BACH2: variants seen among roughly 807,000 people sequenced by gnomAD.
The protein encoded by BACH2 is transcription regulator protein BACH2.
Under a neutral mutation model 61.8 loss-of-function variants are expected in BACH2, and 5 were observed. That is an observed-to-expected ratio of 0.08 (90% confidence interval 0.04 to 0.17). The LOEUF is 0.17. Among genes scored for constraint, BACH2 ranks in the 10% least tolerant of loss-of-function variants. The pLI is 1.00. For synonymous variants in BACH2, 446 were observed against 440.1 expected, an observed-to-expected ratio of 1.01 and a Z score of -0.17; for missense variants, 824 against 1,091.1, an observed-to-expected ratio of 0.76 and a Z score of 3.45.
intron 5 of BACH2, among the ~76,000 whole-genome samples, chr6:90,048,526 C>CA (rs1445958217): frequency 6.6e-6 from 1 of 152,146 alleles, no homozygotes; most frequent in Non-Finnish European, 1.5e-5. Flanking sequence ...GCCATTGTGG[C>CA]AGTTCCTAGG....
chr6:89,982,320 C>T (rs971383748), intron 6 of BACH2, among the ~76,000 whole-genome samples: 1 of 151,622 alleles, frequency 6.6e-6, no homozygotes, highest in Non-Finnish European at 1.5e-5. Flanking sequence ...GTCTTGGGCA[C>T]GTGGGGGTGG....
At chr6:90,021,298 G>GAAAAAAAAAAAAAAA (rs1554229381) in intron 5 of BACH2, among the ~76,000 whole-genome samples, 2 of 81,630 alleles carry the variant, frequency 2.5e-5, no homozygotes, top group Non-Finnish European at 4.8e-5. Context: ...AAGCAAAAAA[G>GAAAAAAAAAAAAAAA]TAAAAAAAAA....
intron 3 of BACH2, among the ~76,000 whole-genome samples, chr6:90,208,799 A>C (rs1769238703): frequency 6.6e-6 from 1 of 152,252 alleles, no homozygotes; most frequent in Admixed American, 6.5e-5. Flanking sequence ...TCTTAGAACC[A>C]ACCCAAATGC....
intron 4 of BACH2, among the ~76,000 whole-genome samples, chr6:90,121,677 G>C (rs1582388826): frequency 1.3e-5 from 2 of 151,942 alleles, no homozygotes; most frequent in African/African-American, 4.8e-5. Flanking sequence ...CGAGTAGCTG[G>C]GATCTTACAG....
Position 89,929,977 on chromosome 6 carries a change from T to C in BACH2, c.*2431A>G, listed in dbSNP as rs1198052588. ...TATCACGTGATTCACATTGAGTTTA[T>C]ATTCTCACTGTCACCAGTTTTCCAC... is the stretch of plus-strand genomic sequence containing the variant. On this transcript the variant is annotated 3_prime_UTR_variant, in exon 9 of 9. Coordinates refer to ENST00000257749, the MANE Select transcript of BACH2 (RefSeq NM_021813.4). The C allele has an allele frequency of 6.6e-6, 1 of 152,318 alleles. No homozygotes were observed. The highest frequency in any genetic ancestry group is 6.5e-5 in the Admixed American group (1 of 15,274). 9.4% of individuals were successfully genotyped at this position (152,318 alleles called of 1,614,324 possible).
At chr6:90,265,854 G>C (rs1771311431) in intron 2 of BACH2, among the ~76,000 whole-genome samples, 1 of 152,182 alleles carries the variant, frequency 6.6e-6, no homozygotes, top group South Asian at 2.1e-4. Context: ...GAGAACAGAA[G>C]AAATGAACAT....
intron 4 of BACH2, among the ~76,000 whole-genome samples, chr6:90,176,421 G>T (rs1191452798): frequency 6.6e-6 from 1 of 152,192 alleles, no homozygotes; most frequent in Non-Finnish European, 1.5e-5. Flanking sequence ...GGAAGGGGCA[G>T]CTCTGAGGCA....
At chr6:89,942,798 G>C (rs1166392018) in intron 7 of BACH2, among the ~76,000 whole-genome samples, 1 of 152,226 alleles carries the variant, frequency 6.6e-6, no homozygotes, top group Non-Finnish European at 1.5e-5. Context: ...CCAGAGGCCT[G>C]TGCCACAGTT....
intron 4 of BACH2, among the ~76,000 whole-genome samples, chr6:90,198,462 C>G (rs990117273): frequency 7.2e-5 from 11 of 152,226 alleles, no homozygotes; most frequent in Non-Finnish European, 1.5e-4. Context: ...AATTATATTA[C>G]AGTCATGTCA....
At chr6:90,246,971 T>TA (rs1215763188) in intron 3 of BACH2, among the ~76,000 whole-genome samples, 1 of 152,172 alleles carries the variant, frequency 6.6e-6, no homozygotes, top group Non-Finnish European at 1.5e-5. Flanking sequence ...AACATACTTG[T>TA]AAATTTACGA....
intron 5 of BACH2, among the ~76,000 whole-genome samples, chr6:90,063,612 G>A (rs1780798714): frequency 6.6e-6 from 1 of 152,168 alleles, no homozygotes; most frequent in African/African-American, 2.4e-5. Flanking sequence ...TAAGATTAAT[G>A]CCATAAGCTT....
chr6:90,027,206 C>A (rs538474306), intron 5 of BACH2, among the ~76,000 whole-genome samples: 2 of 152,136 alleles, frequency 1.3e-5, no homozygotes, highest in Non-Finnish European at 2.9e-5. Flanking sequence ...ACACGCAGGT[C>A]AAATGCCCTT....
chr6:89,968,468 T>G (rs1421256223), intron 6 of BACH2, among the ~76,000 whole-genome samples: 3 of 152,218 alleles, frequency 2.0e-5, no homozygotes, highest in African/African-American at 7.2e-5. Flanking sequence ...AAGAAGGCAA[T>G]AACATTACAT....
chr6:90,216,797 A>C (rs1420254161), intron 3 of BACH2, among the ~76,000 whole-genome samples: 2 of 152,178 alleles, frequency 1.3e-5, no homozygotes, highest in Non-Finnish European at 2.9e-5. Flanking sequence ...AATGCTGTAG[A>C]CATTTTTGGT....
At chr6:90,263,275 G>C (rs1771222401) in intron 2 of BACH2, among the ~76,000 whole-genome samples, 1 of 152,106 alleles carries the variant, frequency 6.6e-6, no homozygotes, top group African/African-American at 2.4e-5. Context: ...TGCTGTTAAA[G>C]GAAACACATA....
chr6:90,147,731 C>T (rs574751906), intron 4 of BACH2, among the ~76,000 whole-genome samples: 6 of 152,138 alleles, frequency 3.9e-5, no homozygotes, highest in African/African-American at 1.2e-4. Context: ...TCCTGAGCAC[C>T]GTAATTGAAA....
intron 6 of BACH2, among the ~76,000 whole-genome samples, chr6:89,956,598 C>CTGGGGAGCTCAGTGTTT (rs578200438): frequency 1.3e-5 from 2 of 152,062 alleles, no homozygotes; most frequent in African/African-American, 4.8e-5. Context: ...GTTTGCAAAG[C>CTGGGGAGCTCAGTGTTT]TGGGGAGCTC....
At chr6:89,954,307 TTTA>T (rs1174459130) in intron 6 of BACH2, among the ~76,000 whole-genome samples, 3 of 151,818 alleles carry the variant, frequency 2.0e-5, no homozygotes, top group East Asian at 1.9e-4. Context: ...TCTTTTTTTT[TTTA>T]TTATTATTAT....
In BACH2 at chr6:89,932,435, G is replaced by T. The variant is rs536262907; in HGVS notation, c.2499C>A (p.Asp833Glu). ...CQEMTDKCTT[D>E]EQPRKDYT ...AGGTATAATCTTTCCTGGGCTGTTC[G>T]TCAGTTGTACACTTATCAGTCATTT... The change falls in exon 9 of 9, where the codon GAC becomes GAA. Residue 833 changes from aspartate to glutamate, a missense_variant. Asp to Glu is a conservative substitution (Grantham distance 45, BLOSUM62 2). Around this residue, in one of 8 missense-constraint regions of BACH2, gnomAD observed 135 missense variants for 142.7 expected, o/e 0.95. Coordinates refer to ENST00000257749, the MANE Select transcript of BACH2 (RefSeq NM_021813.4). 2 of 1,613,722 alleles carry T rather than the reference G, an allele frequency of 1.2e-6. No homozygotes were observed. The highest frequency in any genetic ancestry group is 2.7e-5 in the African/African-American group (2 of 74,906).
Sources: allele counts gnomAD v4.1 joint callset (sites outside exome capture counted in the v4.1 genomes callset), GRCh38; gene constraint gnomAD v4.1.1; regional missense constraint gnomAD v4.1.1; transcripts MANE v1.5; gene names NCBI Gene and HGNC (gene_info 2026-07-23, HGNC 2026-07-21).